The following ERC1 variants were observed in gnomAD, a reference collection of about 807,000 sequenced individuals.
ERC1 encodes ELKS/RAB6-interacting/CAST family member 1.
A neutral mutation model predicts 132.0 loss-of-function variants in ERC1; 56 were observed. The ratio of observed to expected loss-of-function variants is 0.42; its 90% CI spans 0.34 to 0.53. ERC1 has a LOEUF of 0.53. ERC1 is among the 20% of genes least tolerant of loss of function. The pLI, the probability that ERC1 is intolerant of heterozygous loss-of-function variation, is 0.03. For synonymous variants in ERC1, 478 were observed against 476.1 expected (o/e 1.00, Z -0.05); for missense variants, 1,202 against 1,349.9 (o/e 0.89, Z 1.72).
intron 16 of ERC1, 86 bp downstream of exon 16, chr12:1,372,063 GTCT>G: frequency 6.8e-7 from 1 of 1,473,546 alleles, no homozygotes; most frequent in Non-Finnish European, 9.1e-7. Flanking sequence ...GTACTTTAAG[GTCT>G]CATGTTTCAT....
intron 3 of ERC1, 72 bp downstream of exon 3, chr12:1,083,652 C>T: frequency 8.2e-7 from 1 of 1,221,394 alleles, no homozygotes; most frequent in Admixed American, 2.3e-5. Context: ...AGCATCTTGG[C>T]CCCAGTGAAT....
At chr12:1,274,713 G>A (rs1298245337) in intron 14 of ERC1, among the ~76,000 whole-genome samples, 4 of 151,988 alleles carry the variant, frequency 2.6e-5, no homozygotes, top group Non-Finnish European at 4.4e-5. Flanking sequence ...GGCTGGTCTC[G>A]AACTTCTGAA....
Position 1,070,230 on chromosome 12 carries a change from T to C in ERC1, c.670-12934T>C, listed in dbSNP as rs147239592. Among the ~76,000 whole-genome samples, 36 of 152,328 alleles carry C rather than the reference T, an allele frequency of 2.4e-4. No homozygotes were observed. In the East Asian group the frequency reaches 6.4e-3, roughly 27 times the overall value. On this transcript the variant is annotated intron_variant, in intron 2 of 18. Transcript: ENST00000360905. ...GGCAATAAGAGTATGCTACAAAGCA[T>C]GTCAGAACTGGAAGTGTTCTTTAAA...
chr12:1,059,588 G>A lies in ERC1; in HGVS notation c.670-23576G>A, dbSNP rs537133389. ...CAATGTTTTTTTCTGCATCTATTGA[G>A]ATAATCATATGGATTTTGTCATTCA... On this transcript the variant is annotated intron_variant, in intron 2 of 18. Coordinates refer to ENST00000360905, the MANE Select transcript of ERC1 (RefSeq NM_178040.4). Among the ~76,000 whole-genome samples, 7 of 152,274 alleles carry A rather than the reference G, an allele frequency of 4.6e-5. 1 individual carries two copies. The South Asian group carries it at 1.2e-3, about 27-fold the overall frequency.
chr12:1,406,574 C>T (rs996476238), intron 16 of ERC1, among the ~76,000 whole-genome samples: 1 of 152,182 alleles, frequency 6.6e-6, no homozygotes, highest in Non-Finnish European at 1.5e-5. Context: ...TTAAGAGTGA[C>T]AATCACTGAT....
intron 7 of ERC1, among the ~76,000 whole-genome samples, chr12:1,116,727 C>T (rs1360542425): frequency 4.6e-5 from 7 of 152,054 alleles, no homozygotes; most frequent in African/African-American, 1.4e-4. Flanking sequence ...GGATTATAGG[C>T]GCATGCCACC....
intron 15 of ERC1, among the ~76,000 whole-genome samples, chr12:1,345,173 G>A (rs186750660): frequency 2.2e-5 from 3 of 137,450 alleles, no homozygotes; most frequent in Non-Finnish European, 4.7e-5. Flanking sequence ...GAGAATTTCA[G>A]TAGAATATTT....
At chr12:1,176,899 A>C (rs902992666) in intron 8 of ERC1, among the ~76,000 whole-genome samples, 2 of 152,244 alleles carry the variant, frequency 1.3e-5, no homozygotes, top group South Asian at 2.1e-4. Context: ...GCACCAACCA[A>C]ATACATTGAA....
chr12:1,033,865 G>A (rs544215464), intron 2 of ERC1, among the ~76,000 whole-genome samples: 1 of 152,186 alleles, frequency 6.6e-6, no homozygotes, highest in East Asian at 1.9e-4. Flanking sequence ...CCTGACCTCA[G>A]GTGATCTGCC....
At position 1,493,815 on chromosome 12, in the gene ERC1, C is replaced by A. The variant is rs962515757; in HGVS notation, c.*3585C>A. The A allele has an allele frequency of 4.0e-5, 9 of 223,688 alleles. No homozygotes were observed. The highest frequency in any genetic ancestry group is 2.7e-5 in the Non-Finnish European group (3 of 112,494). 13.9% of individuals were successfully genotyped at this position (223,688 alleles called of 1,614,324 possible). On this transcript the variant is annotated 3_prime_UTR_variant, in exon 19 of 19. Coordinates refer to ENST00000360905, the MANE Select transcript of ERC1 (RefSeq NM_178040.4). ...CATGAGGAACTTGCGGGCTCACCCA[C>A]CCCCAGAGTGAGAGAAGAGGAAGGC...
intron 2 of ERC1, among the ~76,000 whole-genome samples, chr12:1,068,220 G>A (rs1204455021): frequency 2.0e-5 from 3 of 151,846 alleles, no homozygotes; most frequent in East Asian, 3.9e-4. Context: ...GTGAGCCACC[G>A]CGCCCGGCGA....
intron 17 of ERC1, among the ~76,000 whole-genome samples, chr12:1,414,180 T>C (rs1310119796): frequency 2.6e-5 from 4 of 152,354 alleles, no homozygotes; most frequent in African/African-American, 9.6e-5. Flanking sequence ...GGACAGGTGC[T>C]GGTTCAGGGC....
intron 16 of ERC1, among the ~76,000 whole-genome samples, chr12:1,389,965 C>G (rs1367282988): frequency 6.6e-6 from 1 of 152,192 alleles, no homozygotes; most frequent in Non-Finnish European, 1.5e-5. Context: ...AAGTTACACA[C>G]TTATTTCATG....
chr12:1,003,322 T>TGGTA (rs1962838632), intron 1 of ERC1, among the ~76,000 whole-genome samples: 2 of 152,196 alleles, frequency 1.3e-5, no homozygotes, highest in Non-Finnish European at 2.9e-5. Context: ...TTTTGTTAAA[T>TGGTA]TTAGTCCTAG....
At chr12:998,847 C>T (rs1197730650) in intron 1 of ERC1, among the ~76,000 whole-genome samples, 1 of 146,620 alleles carries the variant, frequency 6.8e-6, no homozygotes, top group African/African-American at 2.5e-5. Flanking sequence ...GGCTCTTTCT[C>T]TGTCACTTTT....
intron 1 of ERC1, among the ~76,000 whole-genome samples, chr12:994,322 T>A (rs925099792): frequency 6.6e-6 from 1 of 151,058 alleles, no homozygotes; most frequent in Non-Finnish European, 1.5e-5. Context: ...ATATAATTTG[T>A]TTTTTTTTCT....
intron 14 of ERC1, among the ~76,000 whole-genome samples, chr12:1,284,029 C>T (rs1048773460): frequency 2.0e-5 from 3 of 152,116 alleles, no homozygotes; most frequent in African/African-American, 7.2e-5. Flanking sequence ...TTTTTGTACC[C>T]ATTAACCAAC....
intron 15 of ERC1, among the ~76,000 whole-genome samples, chr12:1,344,730 A>G (rs543798411): frequency 4.6e-5 from 7 of 152,190 alleles, no homozygotes; most frequent in Non-Finnish European, 1.0e-4. Flanking sequence ...TCCTGTCTGT[A>G]AGAGAGGTAT....
intron 13 of ERC1, among the ~76,000 whole-genome samples, chr12:1,256,004 A>T (rs939924802): frequency 6.6e-6 from 1 of 151,970 alleles, no homozygotes; most frequent in Admixed American, 6.6e-5. Context: ...ACCAGTGATG[A>T]TGAGCATTTT....
Sources: gnomAD v4.1 joint callset for allele counts (sites outside exome capture counted in the v4.1 genomes callset) on GRCh38, gnomAD v4.1.1 for gene constraint, MANE v1.5 for transcripts, NCBI Gene and HGNC (gene_info 2026-07-23, HGNC 2026-07-21) for gene names.